CWC22: variants seen among roughly 807,000 people sequenced by gnomAD.
CWC22 encodes the protein pre-mRNA-splicing factor CWC22 homolog.
CWC22 carries 53 observed loss-of-function variants against 117.2 expected under a neutral mutation model. That is an observed-to-expected ratio of 0.45 (90% CI 0.36 to 0.57). The LOEUF is 0.57. CWC22 is among the 20% of genes least tolerant of loss of function. The pLI is 0.00. For synonymous variants in CWC22, 360 were observed against 355.6 expected, an observed-to-expected ratio of 1.01 and a Z score of -0.14; for missense variants, 980 against 1,068.8, an observed-to-expected ratio of 0.92 and a Z score of 1.16.
At chr2:179,990,580 A>G (rs998075338) in intron 2 of CWC22, among the ~76,000 whole-genome samples, 7 of 144,190 alleles carry the variant, frequency 4.9e-5, no homozygotes, top group Admixed American at 2.1e-4. Context: ...GAGAGAGAGA[A>G]AGAAGAAGGA....
At chr2:179,957,200 TC>T (rs1466169956) in intron 14 of CWC22, among the ~76,000 whole-genome samples, 1 of 152,192 alleles carries the variant, frequency 6.6e-6, no homozygotes, top group African/African-American at 2.4e-5. Flanking sequence ...TGTATTAATT[TC>T]CTTCCAATGA....
At chr2:179,967,064 C>T (rs1686908753) in intron 11 of CWC22, among the ~76,000 whole-genome samples, 1 of 152,106 alleles carries the variant, frequency 6.6e-6, no homozygotes, top group South Asian at 2.1e-4. Context: ...TGCAACATGG[C>T]TTAGACAGAC....
At chr2:179,955,786 A>T (rs1454549863) in intron 14 of CWC22, among the ~76,000 whole-genome samples, 1 of 152,060 alleles carries the variant, frequency 6.6e-6, no homozygotes, top group Non-Finnish European at 1.5e-5. Flanking sequence ...CTACTTAACA[A>T]ATTAGTTTCT....
chr2:179,962,382 C>T (rs1686774830), intron 13 of CWC22, among the ~76,000 whole-genome samples: 1 of 152,066 alleles, frequency 6.6e-6, no homozygotes, highest in South Asian at 2.1e-4. Flanking sequence ...TGATTTTTAG[C>T]CTGGCATATA....
At position 179,973,096 on chromosome 2, in the gene CWC22, T is replaced by C. The variant is rs182117202; in HGVS notation, c.804+97A>G. 199 of 639,278 alleles carry C rather than the reference T, an allele frequency of 3.1e-4. 1 individual carries two copies. In the East Asian group the frequency reaches 5.7e-3, roughly 18 times the overall value. 39.6% of individuals were successfully genotyped at this position (639,278 alleles called of 1,614,324 possible). ...TCCAACATTTTTATCCCAAGGACTA[T>C]AAAGCAAAGCAAAAATAGAGAGGTA... On this transcript the variant is annotated intron_variant, in intron 8 of 19. Transcript: ENST00000410053.
intron 2 of CWC22, among the ~76,000 whole-genome samples, chr2:179,990,773 T>A (rs552814559): frequency 6.6e-6 from 1 of 152,180 alleles, no homozygotes; most frequent in Non-Finnish European, 1.5e-5. Flanking sequence ...ACCAAAAATA[T>A]TGAAGTTGTG....
chr2:179,957,498 A>G (rs770699179), intron 14 of CWC22, among the ~76,000 whole-genome samples: 3 of 152,224 alleles, frequency 2.0e-5, no homozygotes, highest in African/African-American at 4.8e-5. Context: ...CATTGACAAT[A>G]TATCAATGAA....
chr2:179,970,945 G>T lies in CWC22; in HGVS notation c.936C>A (p.Ile312=). The change falls in exon 9 of 20, where the codon ATC becomes ATA. Residue 312 remains isoleucine, a synonymous_variant. Coordinates refer to ENST00000410053, the MANE Select transcript of CWC22 (RefSeq NM_020943.3). ...AAACTATGAATGTACACTTACCATT[G>T]ATTCCTCTTGGTGACACTTGTGTTA... ...LKLTQVSPRG[I]NAIFERLRNI... 1 of 1,611,886 alleles carries T rather than the reference G, an allele frequency of 6.2e-7. No individual in the cohort carries two copies. The highest frequency in any genetic ancestry group is 8.5e-7 in the Non-Finnish European group (1 of 1,178,748).
At chr2:179,955,147 T>G in intron 14 of CWC22, 113 bp from the exon 15 acceptor site, 1 of 723,802 alleles carries the variant, frequency 1.4e-6, no homozygotes, top group Non-Finnish European at 2.2e-6. Context: ...TTTAAAACAG[T>G]TCAAAAATTT....
At chr2:179,948,394 G>A (rs1025546895) in intron 19 of CWC22, among the ~76,000 whole-genome samples, 5 of 53,400 alleles carry the variant, frequency 9.4e-5, no homozygotes, top group African/African-American at 2.3e-4. Flanking sequence ...TCACCATTAG[G>A]TGATTTTTTA....
At chr2:179,962,023 A>G (rs1039647870) in intron 13 of CWC22, among the ~76,000 whole-genome samples, 3 of 152,230 alleles carry the variant, frequency 2.0e-5, no homozygotes, top group African/African-American at 4.8e-5. Flanking sequence ...CAGAAACTCT[A>G]AACAGGTGGG....
chr2:179,979,296 A>G (rs1575651046), intron 5 of CWC22, among the ~76,000 whole-genome samples: 1 of 152,264 alleles, frequency 6.6e-6, no homozygotes, highest in East Asian at 1.9e-4. Flanking sequence ...AAGAACTGGC[A>G]GTATGCTTAA....
intron 6 of CWC22, among the ~76,000 whole-genome samples, chr2:179,977,511 A>T (rs1437264416): frequency 6.6e-6 from 1 of 152,192 alleles, no homozygotes. Context: ...GCGGAATCTA[A>T]AAAAAACTGA....
At chr2:179,975,033 G>C (rs561461620) in intron 6 of CWC22, among the ~76,000 whole-genome samples, 18 of 152,208 alleles carry the variant, frequency 1.2e-4, no homozygotes, top group Non-Finnish European at 2.2e-4. Flanking sequence ...GGATTACAGC[G>C]ACCGTGCCTG....
At chr2:179,964,396 T>C (rs1458574268) in intron 13 of CWC22, 151 bp downstream of exon 13, 10 of 486,476 alleles carry the variant, frequency 2.1e-5, no homozygotes, top group East Asian at 1.6e-4. Context: ...AGAAAGGTAC[T>C]ATGAGCTTGG....
chr2:179,989,350 C>T (rs578160530), intron 2 of CWC22, among the ~76,000 whole-genome samples: 7 of 151,966 alleles, frequency 4.6e-5, no homozygotes, highest in Non-Finnish European at 8.8e-5. Context: ...CTCAACCACC[C>T]AGGCTCAAGT....
At chr2:179,951,039 C>T (rs1396975220) in intron 17 of CWC22, 113 bp from the exon 18 acceptor site, 1 of 658,404 alleles carries the variant, frequency 1.5e-6, no homozygotes, top group African/African-American at 1.8e-5. Flanking sequence ...GAAATACAAC[C>T]AAGTAACTAG....
chr2:179,957,232 G>C (rs1366480260), intron 14 of CWC22, among the ~76,000 whole-genome samples: 4 of 152,032 alleles, frequency 2.6e-5, no homozygotes, highest in African/African-American at 9.7e-5. Context: ...AGCGTGGCCA[G>C]TGTACAAACA....
chr2:179,988,488 C>T (rs932062361), intron 3 of CWC22, 89 bp downstream of exon 3: 2 of 693,252 alleles, frequency 2.9e-6, no homozygotes, highest in African/African-American at 3.8e-5. Flanking sequence ...AAGTTATCCA[C>T]CCTAAAATTA....
Sources: allele counts gnomAD v4.1 joint callset (sites outside exome capture counted in the v4.1 genomes callset), GRCh38; gene constraint gnomAD v4.1.1; transcripts MANE v1.5; gene names NCBI Gene and HGNC (gene_info 2026-07-23, HGNC 2026-07-21).